The following PGCKA1 variants were observed in gnomAD, a reference collection of about 807,000 sequenced individuals.
PGCKA1 encodes PDCD10 and GCKIII kinases-associated protein 1.
At chr4:37,460,039 A>T in the PGCKA1 span, among the ~76,000 whole-genome samples, 1 of 151,650 alleles carries the variant, frequency 6.6e-6, no homozygotes, top group African/African-American at 2.4e-5. Flanking sequence ...CCCTGTGTTC[A>T]TGTGTTCTCA....
the PGCKA1 span, among the ~76,000 whole-genome samples, chr4:37,586,026 C>T: frequency 8.0e-4 from 121 of 151,378 alleles, no homozygotes; most frequent in African/African-American, 2.9e-3. Context: ...ACTAGACCTC[C>T]ATCTTTTTCT....
chr4:37,560,602 C>T, the PGCKA1 span, among the ~76,000 whole-genome samples: 1 of 151,526 alleles, frequency 6.6e-6, no homozygotes. Context: ...AACCTTGTCA[C>T]TTTGAGCTTT....
At chr4:37,515,977 T>C in the PGCKA1 span, among the ~76,000 whole-genome samples, 34 of 150,206 alleles carry the variant, frequency 2.3e-4, 1 homozygote, top group East Asian at 4.4e-3. Flanking sequence ...ATGATACCTC[T>C]ATACTTTTTT....
At chr4:37,591,094 T>C in the PGCKA1 span, 6 of 1,023,314 alleles carry the variant, frequency 5.9e-6, no homozygotes, top group Non-Finnish European at 7.2e-6. Flanking sequence ...TCTGCCAGCA[T>C]GCACCAGTGC....
chr4:37,572,217 T>C, the PGCKA1 span, among the ~76,000 whole-genome samples: 12,844 of 150,860 alleles, frequency 0.085, 699 homozygotes, highest in Middle Eastern at 0.26. Flanking sequence ...CGCCCGCCAC[T>C]ACGCCCGGCT....
At chr4:37,549,006 C>G in the PGCKA1 span, among the ~76,000 whole-genome samples, 1 of 152,196 alleles carries the variant, frequency 6.6e-6, no homozygotes, top group Non-Finnish European at 1.5e-5. Context: ...GATTCTACAG[C>G]CTGGAGTAAT....
chr4:37,574,334 G>A, the PGCKA1 span, among the ~76,000 whole-genome samples: 146 of 152,010 alleles, frequency 9.6e-4, no homozygotes, highest in African/African-American at 3.4e-3. Flanking sequence ...AGGTCCACAC[G>A]GTTCTTTTTT....
At chr4:37,516,763 T>C in the PGCKA1 span, among the ~76,000 whole-genome samples, 1 of 152,214 alleles carries the variant, frequency 6.6e-6, no homozygotes, top group Admixed American at 6.5e-5. Context: ...AGCAAATATG[T>C]GTTGATATAC....
chr4:37,480,212 G>A, the PGCKA1 span, among the ~76,000 whole-genome samples: 6 of 152,220 alleles, frequency 3.9e-5, no homozygotes, highest in East Asian at 7.7e-4. Flanking sequence ...CTGAGAGGAG[G>A]CCAGGTGCCG....
At chr4:37,547,084 G>A in the PGCKA1 span, among the ~76,000 whole-genome samples, 5 of 152,204 alleles carry the variant, frequency 3.3e-5, no homozygotes, top group African/African-American at 1.2e-4. Context: ...CATTTGAGTG[G>A]TAGTGTGGCC....
At chr4:37,507,943 C>G in the PGCKA1 span, among the ~76,000 whole-genome samples, 33 of 152,232 alleles carry the variant, frequency 2.2e-4, no homozygotes, top group African/African-American at 7.7e-4. Flanking sequence ...GATATTTTTG[C>G]TGGATATACT....
the PGCKA1 span, among the ~76,000 whole-genome samples, chr4:37,593,362 A>G: frequency 1.3e-5 from 2 of 152,192 alleles, no homozygotes; most frequent in Non-Finnish European, 2.9e-5. Context: ...TGACCCACGT[A>G]TCAATGACCC....
the PGCKA1 span, among the ~76,000 whole-genome samples, chr4:37,489,840 T>C: frequency 1.3e-5 from 2 of 152,278 alleles, no homozygotes; most frequent in African/African-American, 2.4e-5. Context: ...AAAGCTTTAG[T>C]GTCAGATCCA....
At chr4:37,454,660 T>C in the PGCKA1 span, among the ~76,000 whole-genome samples, 4 of 152,220 alleles carry the variant, frequency 2.6e-5, no homozygotes, top group African/African-American at 9.7e-5. Context: ...ACAAACTGTT[T>C]GCTAAATATT....
the PGCKA1 span, among the ~76,000 whole-genome samples, chr4:37,554,918 T>G: frequency 2.0e-5 from 3 of 152,218 alleles, no homozygotes; most frequent in East Asian, 5.8e-4. Context: ...TGTCGTATTG[T>G]AGAAGGCCTT....
At chr4:37,593,287 G>A in the PGCKA1 span, among the ~76,000 whole-genome samples, 1 of 152,140 alleles carries the variant, frequency 6.6e-6, no homozygotes, top group Non-Finnish European at 1.5e-5. Context: ...AAGAAGTCTG[G>A]AGTTAGTGAT....
the PGCKA1 span, chr4:37,461,026 A>G: frequency 4.3e-6 from 1 of 229,896 alleles, no homozygotes; most frequent in Non-Finnish European, 8.8e-6. Context: ...GGTTTAAGGA[A>G]GGGGTGCAGT....
chr4:37,531,179 C>A, the PGCKA1 span, among the ~76,000 whole-genome samples: 8 of 152,310 alleles, frequency 5.3e-5, no homozygotes, highest in African/African-American at 1.9e-4. Flanking sequence ...TGTCTGTAAT[C>A]CTTATAGCAT....
chr4:37,582,796 A>G, the PGCKA1 span, among the ~76,000 whole-genome samples: 3 of 152,124 alleles, frequency 2.0e-5, no homozygotes, highest in Non-Finnish European at 4.4e-5. Context: ...CAACGTAAGG[A>G]TAATATTTTG....
Sources: gnomAD v4.1 joint callset for allele counts (sites outside exome capture counted in the v4.1 genomes callset) on GRCh38, gnomAD v4.1.1 for gene constraint, MANE v1.5 for transcripts, NCBI Gene and HGNC (gene_info 2026-07-23, HGNC 2026-07-21) for gene names.